Variants in LRP1B observed in about 807,000 individuals in gnomAD.
The protein encoded by LRP1B is LDL receptor related protein 1B, also known as low-density lipoprotein receptor-related protein 1B.
LRP1B carries 217 observed loss-of-function variants against 556.6 expected under a neutral mutation model. The observed-to-expected ratio is 0.39, with a 90% CI of 0.35 to 0.44. The LOEUF is 0.44. LRP1B is among the 20% of genes least tolerant of loss of function. The pLI, the probability that LRP1B is intolerant of heterozygous loss-of-function variation, is 1.00. For missense variants in LRP1B, 5,053 were observed against 5,620.8 expected, an observed-to-expected ratio of 0.90 and a Z score of 3.23; for synonymous variants, 2,047 against 1,865.8, an observed-to-expected ratio of 1.10 and a Z score of -2.50.
At chr2:140,357,552 A>C (rs912780856) in intron 74 of LRP1B, among the ~76,000 whole-genome samples, 1 of 151,676 alleles carries the variant, frequency 6.6e-6, no homozygotes, top group Non-Finnish European at 1.5e-5. Context: ...CTGTAACTAA[A>C]AAAAAAAATC....
chr2:142,095,574 AC>A lies in LRP1B; in HGVS notation c.82+35073del, dbSNP rs554898543. On this transcript the variant is annotated intron_variant, in intron 1 of 90. Transcript: ENST00000389484. ...CCAATGACTTAAATATTCTGAGAGT[AC>A]CCATAGGGTTATATAGGCCTGAGTT... Among the ~76,000 whole-genome samples the A allele has an allele frequency of 2.7e-4, 41 of 151,858 alleles. 2 individuals carry two copies. The South Asian group carries it at 4.6e-3, about 17-fold the overall frequency.
intron 35 of LRP1B, among the ~76,000 whole-genome samples, chr2:140,722,710 G>C (rs1419275913): frequency 6.6e-6 from 1 of 152,132 alleles, no homozygotes; most frequent in African/African-American, 2.4e-5. Context: ...TTGTTTATTA[G>C]TAGTAAAATT....
intron 2 of LRP1B, among the ~76,000 whole-genome samples, chr2:141,499,348 C>T (rs887249710): frequency 1.3e-5 from 2 of 152,060 alleles, no homozygotes; most frequent in Non-Finnish European, 2.9e-5. Flanking sequence ...GATCCACTGC[C>T]CATGTAACTA....
Position 141,428,526 on chromosome 2 carries a change from C to T in LRP1B, c.343+51870G>A, listed in dbSNP as rs959449764. On this transcript the variant is annotated intron_variant, in intron 3 of 90. Transcript: ENST00000389484. ...GTTAAGTGATGTACATCTTTCACCCCATCACATGTATGGGACTTTTAATAA... is the reference window on the plus strand; with the variant it reads ...GTTAAGTGATGTACATCTTTCACCCTATCACATGTATGGGACTTTTAATAA... 3.9e-5 allele frequency among the ~76,000 whole-genome samples: 6 copies of T among 152,170 alleles called. No homozygotes were observed. In the East Asian group the frequency reaches 9.6e-4, roughly 24 times the overall value.
chr2:140,435,130 T>C (rs1686117136), intron 66 of LRP1B, among the ~76,000 whole-genome samples: 1 of 152,120 alleles, frequency 6.6e-6, no homozygotes, highest in South Asian at 2.1e-4. Context: ...AAAAGATATT[T>C]CAACAGAATC....
chr2:141,101,853 A>T (rs1348609442), intron 7 of LRP1B, among the ~76,000 whole-genome samples: 3 of 152,138 alleles, frequency 2.0e-5, no homozygotes, highest in Non-Finnish European at 4.4e-5. Flanking sequence ...TATCTCTTCA[A>T]TAGGGAGAAG....
At chr2:140,338,338 A>G (rs12992137) in intron 77 of LRP1B, among the ~76,000 whole-genome samples, 66,941 of 151,520 alleles carry the variant, frequency 0.44, 15,478 homozygotes, top group Non-Finnish European at 0.53. Flanking sequence ...ATGACTCACA[A>G]TAAACTAAAT....
chr2:140,413,716 C>T (rs1045775707), intron 66 of LRP1B, among the ~76,000 whole-genome samples: 4 of 152,078 alleles, frequency 2.6e-5, no homozygotes, highest in East Asian at 3.9e-4. Context: ...ATTTATTCCA[C>T]GATAAGCAAA....
chr2:141,365,482 G>GTT (rs34195312), intron 3 of LRP1B, among the ~76,000 whole-genome samples: 112 of 138,372 alleles, frequency 8.1e-4, no homozygotes, highest in African/African-American at 2.8e-3. Flanking sequence ...GCTTAGAAGT[G>GTT]TTTTTTTTTT....
At chr2:140,565,022 T>A (rs1681073929) in intron 43 of LRP1B, among the ~76,000 whole-genome samples, 1 of 151,992 alleles carries the variant, frequency 6.6e-6, no homozygotes, top group Non-Finnish European at 1.5e-5. Context: ...TAGGATTTTT[T>A]TATTGCAATT....
At chr2:141,992,959 G>A (rs1471786639) in intron 1 of LRP1B, among the ~76,000 whole-genome samples, 1 of 152,134 alleles carries the variant, frequency 6.6e-6, no homozygotes, top group Non-Finnish European at 1.5e-5. Context: ...GACAGGCATT[G>A]CTGGGTGGCT....
At chr2:141,727,815 A>C (rs10427223) in intron 2 of LRP1B, among the ~76,000 whole-genome samples, 22,455 of 151,836 alleles carry the variant, frequency 0.15, 1,951 homozygotes, top group African/African-American at 0.23. Flanking sequence ...CAATCTCTCT[A>C]TATATATATA....
intron 7 of LRP1B, among the ~76,000 whole-genome samples, chr2:141,137,852 C>T (rs1421434026): frequency 1.3e-5 from 2 of 151,424 alleles, no homozygotes; most frequent in African/African-American, 4.8e-5. Flanking sequence ...CACTGTTTCA[C>T]TTGTAATAGT....
At chr2:141,294,450 C>G (rs1573766764) in intron 3 of LRP1B, among the ~76,000 whole-genome samples, 1 of 152,062 alleles carries the variant, frequency 6.6e-6, no homozygotes, top group East Asian at 1.9e-4. Context: ...AGGTTGGGTG[C>G]TGTGGCTCAT....
intron 2 of LRP1B, among the ~76,000 whole-genome samples, chr2:141,615,997 A>C (rs1029921781): frequency 6.6e-6 from 1 of 152,158 alleles, no homozygotes; most frequent in Non-Finnish European, 1.5e-5. Flanking sequence ...TGTAAAAAAA[A>C]TGCTGGCTGG....
chr2:140,434,604 TTTCA>T (rs1226813981), intron 66 of LRP1B, among the ~76,000 whole-genome samples: 10 of 152,198 alleles, frequency 6.6e-5, no homozygotes, highest in Non-Finnish European at 1.5e-4. Context: ...CACTCCCTAC[TTTCA>T]TTATTTTCCA....
intron 5 of LRP1B, among the ~76,000 whole-genome samples, chr2:141,242,420 C>T (rs955246216): frequency 6.6e-6 from 1 of 152,000 alleles, no homozygotes; most frequent in Non-Finnish European, 1.5e-5. Context: ...GCAGAGGAAA[C>T]AGCAAATGAT....
chr2:141,450,960 T>G (rs1007475565), intron 3 of LRP1B, among the ~76,000 whole-genome samples: 7 of 152,224 alleles, frequency 4.6e-5, no homozygotes, highest in African/African-American at 1.7e-4. Context: ...AGACATCAGC[T>G]TAAAATCACT....
At chr2:141,418,629 G>T (rs1680018945) in intron 3 of LRP1B, among the ~76,000 whole-genome samples, 2 of 151,932 alleles carry the variant, frequency 1.3e-5, no homozygotes, top group African/African-American at 4.8e-5. Context: ...TTTGATTTCT[G>T]TAGCTCTGTA....
Sources: allele counts gnomAD v4.1 joint callset (sites outside exome capture counted in the v4.1 genomes callset), GRCh38; gene constraint gnomAD v4.1.1; transcripts MANE v1.5; gene names NCBI Gene and HGNC (gene_info 2026-07-23, HGNC 2026-07-21).